Variants in PHKA1 observed in about 807,000 individuals in gnomAD.
PHKA1 encodes the protein phosphorylase kinase regulatory subunit alpha 1.
PHKA1 carries 60 observed loss-of-function variants against 110.2 expected under a neutral mutation model. The observed-to-expected ratio is 0.54, with a 90% CI of 0.44 to 0.68. The LOEUF is 0.68. PHKA1 is among the 30% of genes least tolerant of loss of function. The pLI, the probability that PHKA1 is intolerant of heterozygous loss-of-function variation, is 0.00. For synonymous variants in PHKA1, 316 were observed against 333.6 expected (o/e 0.95, Z 0.58); for missense variants, 801 against 942.5 (o/e 0.85, Z 1.97).
intron 28 of PHKA1, chrX:72,599,825 C>T (rs781940172): frequency 1.1e-4 from 59 of 548,275 alleles, no homozygotes; most frequent in Admixed American, 9.1e-4. Flanking sequence ...CCATAAAAGA[C>T]GGTGACATCA....
intron 2 of PHKA1, among the ~76,000 whole-genome samples, chrX:72,708,467 C>T (rs2054321978): frequency 9.0e-6 from 1 of 111,240 alleles, no homozygotes; most frequent in Non-Finnish European, 1.9e-5. Flanking sequence ...AGGGCCTTGT[C>T]TATCAATCCA....
intron 3 of PHKA1, among the ~76,000 whole-genome samples, chrX:72,697,818 A>G (rs989942890): frequency 2.8e-5 from 3 of 108,895 alleles, no homozygotes; most frequent in Non-Finnish European, 5.7e-5. Flanking sequence ...CCCTGTCTCT[A>G]CTAAAAATAC....
At chrX:72,693,293 C>T (rs2054063904) in intron 4 of PHKA1, among the ~76,000 whole-genome samples, 1 of 112,296 alleles carries the variant, frequency 8.9e-6, no homozygotes, top group African/African-American at 3.2e-5. Context: ...GCTTCTTGCT[C>T]TTATTGAGCT....
At position 72,620,920 on chromosome X, in the gene PHKA1, G is replaced by T; in HGVS notation, c.1961-19C>A. 5 of 1,203,518 alleles carry T rather than the reference G, an allele frequency of 4.2e-6. No homozygotes were observed. Among genetic ancestry groups the T allele is most frequent in the Non-Finnish European group, 5.6e-6 (5 of 889,677 alleles). On this transcript the variant is annotated intron_variant, in intron 18 of 31. Transcript: ENST00000373542. ...CAGCGAGCTGCAAGGTTAGTGGGGG[G>T]AGGGGGAAGAGAAAAGAATGAAAAT...
chrX:72,631,675 G>A, intron 16 of PHKA1, among the ~76,000 whole-genome samples: 1 of 109,694 alleles, frequency 9.1e-6, no homozygotes, highest in South Asian at 4.0e-4. Flanking sequence ...GACATATAAG[G>A]CCCAGGATAT....
intron 13 of PHKA1, among the ~76,000 whole-genome samples, chrX:72,646,529 G>A (rs2053361662): frequency 9.0e-6 from 1 of 111,369 alleles, no homozygotes; most frequent in African/African-American, 3.3e-5. Flanking sequence ...AATTGTTCCA[G>A]ACAGAAGAAA....
intron 6 of PHKA1, among the ~76,000 whole-genome samples, chrX:72,674,766 A>G (rs1325197537): frequency 8.9e-6 from 1 of 112,265 alleles, no homozygotes; most frequent in Non-Finnish European, 1.9e-5. Context: ...AGAATGTTAA[A>G]AAATAAAGAC....
intron 3 of PHKA1, 113 bp from the exon 4 acceptor site, chrX:72,695,989 G>C (rs1212862211): frequency 3.2e-6 from 2 of 628,000 alleles, no homozygotes; most frequent in African/African-American, 4.3e-5. Flanking sequence ...ACTATCTTCA[G>C]GCAATTGTGA....
At chrX:72,681,462 C>CG (rs1410258823) in intron 5 of PHKA1, among the ~76,000 whole-genome samples, 1 of 88,437 alleles carries the variant, frequency 1.1e-5, no homozygotes, top group East Asian at 5.9e-4. Context: ...TCAGCCCCCC[C>CG]GCCCGGCCAG....
At chrX:72,642,113 T>A (rs782190125) in intron 14 of PHKA1, among the ~76,000 whole-genome samples, 2 of 112,065 alleles carry the variant, frequency 1.8e-5, no homozygotes, top group Non-Finnish European at 3.8e-5. Context: ...GAATGTTTGA[T>A]CATCATTAAG....
rs781979209 is a variant in PHKA1, at chrX:72,675,218, A to G, written c.618+852T>C. On this transcript the variant is annotated intron_variant, in intron 6 of 31. Coordinates refer to ENST00000373542, the MANE Select transcript of PHKA1 (RefSeq NM_002637.4). ...ATAATAATAATAATAATAAATAAAT[A>G]AATAAATAAATAAAATAAAAATAAA... Among the ~76,000 whole-genome samples the G allele has an allele frequency of 8.3e-5, 9 of 107,844 alleles. No homozygotes were observed. In the East Asian group the frequency reaches 2.6e-3, roughly 31 times the overall value. The allele number at this position is 107,844 out of a possible 115,157, so 93.6% of individuals were successfully genotyped here.
chrX:72,655,327 T>C (rs1427022704), intron 10 of PHKA1, among the ~76,000 whole-genome samples: 6 of 111,232 alleles, frequency 5.4e-5, no homozygotes, highest in African/African-American at 2.0e-4. Flanking sequence ...GTGGGAGGAC[T>C]GCTTGAGCCC....
At chrX:72,607,215 T>G (rs1349688594) in intron 23 of PHKA1, among the ~76,000 whole-genome samples, 3 of 112,018 alleles carry the variant, frequency 2.7e-5, no homozygotes, top group Admixed American at 9.5e-5. Context: ...ATATACCGAT[T>G]TCCTTTCTTT....
intron 29 of PHKA1, among the ~76,000 whole-genome samples, chrX:72,590,837 A>T (rs183552390): frequency 8.9e-6 from 1 of 112,594 alleles, no homozygotes; most frequent in Non-Finnish European, 1.9e-5. Flanking sequence ...GTCATCAGAG[A>T]AATGCAAATC....
At chrX:72,604,036 T>C (rs947498781) in intron 25 of PHKA1, among the ~76,000 whole-genome samples, 8 of 110,373 alleles carry the variant, frequency 7.2e-5, no homozygotes, top group Admixed American at 9.7e-5. Flanking sequence ...TAAAGAGCCA[T>C]GGTTTTCATG....
intron 28 of PHKA1, among the ~76,000 whole-genome samples, chrX:72,596,061 C>G (rs1266130450): frequency 8.9e-6 from 1 of 111,950 alleles, no homozygotes; most frequent in Non-Finnish European, 1.9e-5. Flanking sequence ...ATATTAACAA[C>G]TGAATGGCAA....
Position 72,609,758 on chromosome X carries a change from A to G in PHKA1, c.2527-55T>C, listed in dbSNP as rs782375755. ...TCTGTAACACCTCAGGTTTCCACAA[A>G]CATTTCTCTTTTCAGCTGAAAAACC... is the stretch of plus-strand genomic sequence containing the variant. On this transcript the variant is annotated intron_variant, in intron 22 of 31. Transcript: ENST00000373542. 71 of 878,626 alleles carry G rather than the reference A, an allele frequency of 8.1e-5. 1 individual carries two copies. The East Asian group carries it at 2.2e-3, about 27-fold the overall frequency. The allele number at this position is 878,626 out of a possible 1,213,427, so 72.4% of individuals were successfully genotyped here. A position where few individuals can be genotyped will look rare whatever the true frequency, so the allele number is the denominator to read the frequency against.
At position 72,705,201 on chromosome X, in the gene PHKA1, T is replaced by A; in HGVS notation, c.282A>T (p.Arg94Ser). 1 of 1,181,343 alleles carries A rather than the reference T, an allele frequency of 8.5e-7. No individual in the cohort carries two copies. Among genetic ancestry groups the A allele is most frequent in the South Asian group, 1.8e-5 (1 of 56,275 alleles). The stretch of plus-strand genomic sequence containing the variant: ...GAAGGTGTTATCAATACCATACCTG[T>A]CTGATCATGCAGTGCAGTAGTCCTC... ...LMRGLLHCMI[R>S]QVDKVESFKY... is the part of the protein sequence containing the mutation. The change falls in exon 3 of 32, where the codon AGA (arginine) becomes AGT (serine). Residue 94 changes from arginine (R) to serine (S), a missense_variant. This residue lies in a region of PHKA1 where 299 missense variants were observed against 423.3 expected (regional missense o/e 0.71). Transcript: ENST00000373542.
At chrX:72,709,416 C>T (rs1369527034) in intron 2 of PHKA1, 1 of 107,427 alleles carries the variant, frequency 9.3e-6, no homozygotes, top group Non-Finnish European at 1.9e-5. Context: ...AAACCCTTGT[C>T]CTCTTTTCTT....
Sources: gnomAD v4.1 joint callset for allele counts (sites outside exome capture counted in the v4.1 genomes callset) on GRCh38, gnomAD v4.1.1 for gene constraint, gnomAD v4.1.1 regional missense constraint, MANE v1.5 for transcripts, NCBI Gene and HGNC (gene_info 2026-07-23, HGNC 2026-07-21) for gene names.